The following ZNF346 variants were observed in gnomAD, a reference collection of about 807,000 sequenced individuals.
ZNF346 encodes zinc finger protein 346.
In ZNF346, 23 loss-of-function variants were observed where a neutral mutation model predicts 33.7. That is an observed-to-expected ratio of 0.68 (90% CI 0.49 to 0.97). The LOEUF (loss-of-function observed/expected upper bound fraction) is 0.97. Ranked by LOEUF, ZNF346 falls within the 50% of genes least tolerant of loss-of-function variation. The pLI is 0.00. For missense variants in ZNF346, 340 were observed against 371.1 expected, an observed-to-expected ratio of 0.92 and a Z score of 0.69; for synonymous variants, 134 against 142.4, an observed-to-expected ratio of 0.94 and a Z score of 0.42.
chr5:177,046,257 C>T (rs1225168020), intron 4 of ZNF346, among the ~76,000 whole-genome samples: 1 of 148,036 alleles, frequency 6.8e-6, no homozygotes, highest in Admixed American at 6.8e-5. Context: ...GCTGAGATCG[C>T]ACCATTGTAC....
intron 8 of ZNF346, among the ~76,000 whole-genome samples, chr5:177,074,180 A>C (rs761840112): frequency 1.3e-5 from 2 of 152,262 alleles, no homozygotes; most frequent in Non-Finnish European, 2.9e-5. Flanking sequence ...CAGTTTGTGC[A>C]GTAAAGGCTC....
In ZNF346 at chr5:177,022,699, C is replaced by G. The variant is rs1203049719; in HGVS notation, c.-40C>G. 1 of 1,490,906 alleles carries G rather than the reference C, an allele frequency of 6.7e-7. No individual in the cohort carries two copies. Among genetic ancestry groups the G allele is most frequent in the Non-Finnish European group, 8.9e-7 (1 of 1,126,940 alleles). The allele number at this position is 1,490,906 out of a possible 1,614,324, so 92.4% of individuals were successfully genotyped here. ...CCCACCAAATCTCGCGATACCTAGG[C>G]GCCTGAGAGGCTCTCTACCGGTGAG... On this transcript the variant is annotated 5_prime_UTR_variant, in exon 1 of 7. Transcript: ENST00000358149.
chr5:177,046,827 C>T (rs1026702472), intron 4 of ZNF346, among the ~76,000 whole-genome samples: 1 of 151,962 alleles, frequency 6.6e-6, no homozygotes, highest in Non-Finnish European at 1.5e-5. Context: ...CTTTAAATAA[C>T]TTTCATGTTT....
rs1554158459 is a variant in ZNF346 at position 177,065,858 on chromosome 5, A to ATTG, written c.*1260_*1261insTGT. ...CCTTTGCTTTGCATATTGTGTGTGGATGTGTGTGTGTGTGTGTGTGTGTTT... is the reference window on the plus strand; with the variant it reads ...CCTTTGCTTTGCATATTGTGTGTGGATTGTGTGTGTGTGTGTGTGTGTGTGTTT... On this transcript the variant is annotated 3_prime_UTR_variant, in exon 7 of 7. Coordinates refer to ENST00000358149, the MANE Select transcript of ZNF346 (RefSeq NM_012279.4). 1.1e-5 allele frequency: 1 copy of ATTG among 87,892 alleles called. No individual in the cohort carries two copies. Among genetic ancestry groups the ATTG allele is most frequent in the Non-Finnish European group, 2.9e-5 (1 of 33,988 alleles). The allele number at this position is 87,892 out of a possible 1,614,324, so 5.4% of individuals were successfully genotyped here.
rs1316223130 is a variant in ZNF346 at position 177,067,254 on chromosome 5, A to T, written c.*2655A>T. 1.5e-4 allele frequency among the ~76,000 whole-genome samples: 23 copies of T among 152,100 alleles called. No homozygotes were observed. Among genetic ancestry groups the T allele is most frequent in the Admixed American group, 1.5e-3 (23 of 15,268 alleles). ...CAAGACCCTGTCTCTAAAAATAATA[A>T]TTTTTAAAATTTAAAAAAAGAAAGG... On this transcript the variant is annotated 3_prime_UTR_variant, in exon 7 of 7. Transcript: ENST00000358149.
intron 1 of ZNF346, among the ~76,000 whole-genome samples, chr5:177,034,796 G>T (rs1778243150): frequency 6.6e-6 from 1 of 152,208 alleles, no homozygotes; most frequent in African/African-American, 2.4e-5. Flanking sequence ...AAAAGGTCAT[G>T]GAACTACATC....
At chr5:177,031,858 G>A (rs561776802) in intron 1 of ZNF346, among the ~76,000 whole-genome samples, 41 of 151,982 alleles carry the variant, frequency 2.7e-4, no homozygotes, top group African/African-American at 9.6e-4. Flanking sequence ...TGATTCTTCT[G>A]CCATTTTGAA....
intron 1 of ZNF346, among the ~76,000 whole-genome samples, chr5:177,028,520 A>ATATATATATATATATATATATATATG (rs1213851749): frequency 7.3e-6 from 1 of 137,758 alleles, no homozygotes; most frequent in East Asian, 2.1e-4. Flanking sequence ...ATATATATAT[A>ATATATATATATATATATATATATATG]TTTCCCTCCA....
chr5:177,023,208 C>T (rs1315955755), intron 1 of ZNF346: 3 of 1,536,592 alleles, frequency 2.0e-6, no homozygotes, highest in South Asian at 2.4e-5. Flanking sequence ...CTCGTCCTGT[C>T]GGAGACCTAC....
At chr5:177,041,329 C>T in intron 2 of ZNF346, 100 bp downstream of exon 2, 1 of 970,356 alleles carries the variant, frequency 1.0e-6, no homozygotes, top group Non-Finnish European at 1.6e-6. Flanking sequence ...GCTGCTTAGC[C>T]ACCCAGATGT....
intron 1 of ZNF346, among the ~76,000 whole-genome samples, chr5:177,039,175 C>G (rs9632434): frequency 0.14 from 21,636 of 151,626 alleles, 3,295 homozygotes; most frequent in African/African-American, 0.38. Context: ...ACAGGCATTA[C>G]CAATCGTGCC....
chr5:177,061,443 C>CA (rs201210586), intron 5 of ZNF346, among the ~76,000 whole-genome samples: 1,752 of 152,000 alleles, frequency 0.012, 11 homozygotes, highest in South Asian at 0.025. Flanking sequence ...GACTCCGTCT[C>CA]AAAAAAAGAA....
chr5:177,028,871 C>T (rs891092735), intron 1 of ZNF346, among the ~76,000 whole-genome samples: 3 of 151,534 alleles, frequency 2.0e-5, no homozygotes, highest in African/African-American at 4.9e-5. Context: ...AGGCGCCCAC[C>T]ACCACACCTG....
At chr5:177,048,496 C>T (rs1157629789) in intron 4 of ZNF346, among the ~76,000 whole-genome samples, 2 of 152,156 alleles carry the variant, frequency 1.3e-5, no homozygotes, top group Admixed American at 6.5e-5. Context: ...TGGCGTATGC[C>T]TGTAATCCCA....
At chr5:177,063,117 C>T (rs1395438283) in intron 6 of ZNF346, among the ~76,000 whole-genome samples, 1 of 150,832 alleles carries the variant, frequency 6.6e-6, no homozygotes, top group Non-Finnish European at 1.5e-5. Flanking sequence ...CCAGGCTGGT[C>T]TCAAACTCCT....
chr5:177,023,730 A>G (rs1195442504), intron 1 of ZNF346, among the ~76,000 whole-genome samples: 2 of 152,154 alleles, frequency 1.3e-5, no homozygotes, highest in African/African-American at 4.8e-5. Flanking sequence ...ATGCTAACCC[A>G]GATGTACAAG....
chr5:177,043,053 G>A (rs562629892), intron 3 of ZNF346, among the ~76,000 whole-genome samples: 1 of 152,110 alleles, frequency 6.6e-6, no homozygotes, highest in African/African-American at 2.4e-5. Flanking sequence ...GGTTTCACCA[G>A]GTTGGCCAGG....
rs553304729 is a variant in ZNF346, at chr5:177,077,140, A to G, written c.*3-2242A>G. Among the ~76,000 whole-genome samples, 20 of 152,258 alleles carry G rather than the reference A, an allele frequency of 1.3e-4. No homozygotes were observed. Among genetic ancestry groups the G allele is most frequent in the Non-Finnish European group, 2.8e-4 (19 of 68,044 alleles). On this transcript the variant is annotated intron_variant, in intron 8 of 8. Coordinates refer to the ZNF346 transcript ENST00000503039. The surrounding 1 kb of genome is among the most constrained non-coding windows in gnomAD (Gnocchi z 5.0). The stretch of plus-strand genomic sequence containing the variant: ...TTGTTATGTAAAGTCGTTAAGTTTA[A>G]AAGTAATGTGTTATGAAGCAATGGA...
At chr5:177,041,677 T>C (rs1473221365) in intron 2 of ZNF346, 101 bp from the exon 3 acceptor site, 6 of 766,216 alleles carry the variant, frequency 7.8e-6, no homozygotes, top group Admixed American at 2.5e-5. Context: ...TCAAAACTTT[T>C]TGTGAGGATG....
Sources: allele counts gnomAD v4.1 joint callset (sites outside exome capture counted in the v4.1 genomes callset), GRCh38; gene constraint gnomAD v4.1.1; non-coding constraint Gnocchi (gnomAD v3.1); transcripts MANE v1.5; gene names NCBI Gene and HGNC (gene_info 2026-07-23, HGNC 2026-07-21).